Variants in ZGRF1 observed in about 807,000 individuals in gnomAD.
ZGRF1 encodes 5'-3' DNA helicase ZGRF1.
A neutral mutation model predicts 203.5 loss-of-function variants in ZGRF1; 196 were observed. That is an observed-to-expected ratio of 0.96 (90% confidence interval 0.86 to 1.08). The LOEUF is 1.08. Among genes scored for constraint, ZGRF1 ranks in the 50% least tolerant of loss-of-function variants. The pLI, the probability that ZGRF1 is intolerant of heterozygous loss-of-function variation, is 0.00. For synonymous variants in ZGRF1, 809 were observed against 841.3 expected, an observed-to-expected ratio of 0.96 and a Z score of 0.66; for missense variants, 2,326 against 2,416.3, an observed-to-expected ratio of 0.96 and a Z score of 0.78.
chr4:112,595,068 C>A (rs1748774927), intron 10 of ZGRF1, among the ~76,000 whole-genome samples: 1 of 151,812 alleles, frequency 6.6e-6, no homozygotes, highest in Admixed American at 6.6e-5. Context: ...ATGGTGAAAC[C>A]CCATCTCTAC....
At chr4:112,604,297 A>C (rs931675877) in intron 9 of ZGRF1, among the ~76,000 whole-genome samples, 5 of 152,126 alleles carry the variant, frequency 3.3e-5, no homozygotes, top group Non-Finnish European at 7.3e-5. Flanking sequence ...TACAAGCATA[A>C]AGATGAGTAT....
intron 16 of ZGRF1, among the ~76,000 whole-genome samples, chr4:112,580,504 G>A (rs939377734): frequency 2.6e-5 from 4 of 151,202 alleles, no homozygotes; most frequent in Admixed American, 2.0e-4. Context: ...TACAGAATGG[G>A]AGAAAATTTT....
chr4:112,632,755 C>T (rs1023342852), intron 2 of ZGRF1, among the ~76,000 whole-genome samples: 1 of 152,138 alleles, frequency 6.6e-6, no homozygotes, highest in African/African-American at 2.4e-5. Flanking sequence ...AGTCCCGAGA[C>T]CAAATAGTGT....
rs536595961 is a variant in ZGRF1, at chr4:112,592,286, C to T, written c.2977-2412G>A. On this transcript the variant is annotated intron_variant, in intron 10 of 27. Coordinates refer to ENST00000505019, the MANE Select transcript of ZGRF1 (RefSeq NM_018392.5). The stretch of plus-strand genomic sequence containing the variant: ...CTAATTTTTGTGCTTTTAGTAGAGA[C>T]GGGGTTTCACCATGTTGGCCAGGCT... Among the ~76,000 whole-genome samples the T allele has an allele frequency of 6.6e-5, 10 of 151,856 alleles. No homozygotes were observed. The South Asian group carries it at 1.2e-3, about 19-fold the overall frequency.
rs1266532319 is a variant in ZGRF1, at chr4:112,617,632, C to A, written c.2410G>T (p.Ala804Ser). 2.5e-6 allele frequency: 4 copies of A among 1,613,272 alleles called. No homozygotes were observed. Among genetic ancestry groups the A allele is most frequent in the Non-Finnish European group, 3.4e-6 (4 of 1,179,802 alleles). Residue 804 changes from alanine (A) to serine (S), a missense_variant, in exon 6 of 28, where the codon GCC (alanine) becomes TCC (serine). Ala to Ser is a moderately conservative substitution (Grantham distance 99). Coordinates refer to ENST00000505019, the MANE Select transcript of ZGRF1 (RefSeq NM_018392.5). Reference sequence around the variant, plus strand: ...TTCCAGTATTGTTTGCCTTCTCTGGCAGTTTCAACCTCAACATGGTCAGGG... The same window carrying A: ...TTCCAGTATTGTTTGCCTTCTCTGGAAGTTTCAACCTCAACATGGTCAGGG... ...PPPDHVEVET[A>S]REGKQYWNPR...
intron 9 of ZGRF1, among the ~76,000 whole-genome samples, chr4:112,604,918 C>G (rs905298175): frequency 1.3e-5 from 2 of 152,026 alleles, no homozygotes; most frequent in African/African-American, 4.8e-5. Flanking sequence ...AACAAAATGA[C>G]AGTAATATAT....
At position 112,562,137 on chromosome 4, in the gene ZGRF1, G is replaced by A. The variant is rs184897731; in HGVS notation, c.4697+234C>T. On this transcript the variant is annotated intron_variant, in intron 18 of 27. Transcript: ENST00000505019. ...TTGGTCAGGCTGGTCTCGAACTCCC[G>A]ACCTCTGGTGATCTGCCCACCTCGG... The A allele has an allele frequency of 1.0e-4, 37 of 356,824 alleles. No homozygotes were observed. The Admixed American group carries it at 1.2e-3, about 12-fold the overall frequency. The allele number at this position is 356,824 out of a possible 1,614,324, so 22.1% of individuals were successfully genotyped here. A position where few individuals can be genotyped will look rare whatever the true frequency, so the allele number is the denominator to read the frequency against.
At position 112,587,641 on chromosome 4, in the gene ZGRF1, T is replaced by C. The variant is rs1198131920; in HGVS notation, c.3416A>G (p.Asn1139Ser). Residue 1139 changes from asparagine to serine, a missense_variant, in exon 12 of 28, where the codon AAT becomes AGT. Coordinates refer to ENST00000505019, the MANE Select transcript of ZGRF1 (RefSeq NM_018392.5). ...EVNPGDVSLNNISTQSKWLKY... is the reference protein window; with the variant it reads ...EVNPGDVSLNSISTQSKWLKY... ...CAGCCACTTGCTCTGAGTAGATATA[T>C]TATTAAGTGAAACATCCCCTGGATT... 3.1e-6 allele frequency: 5 copies of C among 1,613,708 alleles called. No homozygotes were observed. The South Asian group carries it at 4.4e-5, about 14-fold the overall frequency.
intron 18 of ZGRF1, chr4:112,561,202 T>C: frequency 1.9e-6 from 1 of 530,862 alleles, no homozygotes. Context: ...GTTGAATACT[T>C]ACTACATGCT....
At chr4:112,599,545 C>A (rs897370672) in intron 10 of ZGRF1, among the ~76,000 whole-genome samples, 27 of 150,188 alleles carry the variant, frequency 1.8e-4, no homozygotes, top group Non-Finnish European at 2.8e-4. Context: ...TATAGCAAGA[C>A]CCTGTGTCTA....
intron 10 of ZGRF1, among the ~76,000 whole-genome samples, chr4:112,601,176 T>C (rs986292432): frequency 6.6e-6 from 1 of 151,140 alleles, no homozygotes; most frequent in Non-Finnish European, 1.5e-5. Flanking sequence ...TTTGGGGGGC[T>C]GAGGCAGGAA....
chr4:112,604,931 TTTG>T (rs1750545730), intron 9 of ZGRF1, among the ~76,000 whole-genome samples: 1 of 152,212 alleles, frequency 6.6e-6, no homozygotes, highest in Non-Finnish European at 1.5e-5. Context: ...TAATATATAA[TTTG>T]AATATACTCT....
Position 112,584,086 on chromosome 4 carries a change from G to A in ZGRF1, c.4190C>T (p.Thr1397Ile). 1 of 1,613,248 alleles carries A rather than the reference G, an allele frequency of 6.2e-7. No individual in the cohort carries two copies. The highest frequency in any genetic ancestry group is 8.5e-7 in the Non-Finnish European group (1 of 1,179,392). The change falls in exon 15 of 28, where the codon ACA becomes ATA. Residue 1397 changes from threonine (T) to isoleucine (I), a missense_variant. Thr to Ile is a moderately conservative substitution (Grantham distance 89). Transcript: ENST00000505019. ...CATGCCAGGTCGAGCTCCTTCCTGT[G>A]TTGAATATCCTGGAGTCACGTCCTC... ...WLEDVTPGYS[T>I]QEGARPGMVL...
intron 3 of ZGRF1, chr4:112,624,107 T>G: frequency 3.0e-6 from 1 of 335,212 alleles, no homozygotes; most frequent in Non-Finnish European, 5.5e-6. Context: ...TCGGGTCCCC[T>G]TCCACGCTGT....
intron 16 of ZGRF1, among the ~76,000 whole-genome samples, chr4:112,573,195 CA>C (rs1744513821): frequency 1.3e-5 from 2 of 151,700 alleles, no homozygotes; most frequent in African/African-American, 4.8e-5. Flanking sequence ...CACACACACA[CA>C]CACACCCATG....
chr4:112,608,112 A>G (rs1388452287), intron 8 of ZGRF1, among the ~76,000 whole-genome samples: 1 of 152,194 alleles, frequency 6.6e-6, no homozygotes, highest in Non-Finnish European at 1.5e-5. Flanking sequence ...ATACTATGTC[A>G]TATTATGTGG....
In ZGRF1 at chr4:112,574,525, AG is replaced by A. The variant is rs1415172669; in HGVS notation, c.4438+7137del. Among the ~76,000 whole-genome samples the A allele has an allele frequency of 2.0e-5, 3 of 152,336 alleles. No individual in the cohort carries two copies. The East Asian group carries it at 5.8e-4, about 29-fold the overall frequency. On this transcript the variant is annotated intron_variant, in intron 16 of 27. Transcript: ENST00000505019. Reference sequence around the variant, plus strand: ...ACCTTGGGTTTGGAGAGACAAGATGAGGTAATGGGGTTAACTTAAATGTAGG... The same window carrying A: ...ACCTTGGGTTTGGAGAGACAAGATGAGTAATGGGGTTAACTTAAATGTAGG...
At chr4:112,635,619 A>G (rs1301612667) in intron 1 of ZGRF1, among the ~76,000 whole-genome samples, 3 of 148,710 alleles carry the variant, frequency 2.0e-5, no homozygotes, top group Non-Finnish European at 4.5e-5. Flanking sequence ...TAATTATATA[A>G]TATATAACTA....
chr4:112,596,509 T>G (rs1433682913), intron 10 of ZGRF1, among the ~76,000 whole-genome samples: 1 of 152,046 alleles, frequency 6.6e-6, no homozygotes, highest in Non-Finnish European at 1.5e-5. Context: ...GATTTGTATT[T>G]ACAGGATGAA....
Sources: gnomAD v4.1 joint callset for allele counts (sites outside exome capture counted in the v4.1 genomes callset) on GRCh38, gnomAD v4.1.1 for gene constraint, MANE v1.5 for transcripts, NCBI Gene and HGNC (gene_info 2026-07-23, HGNC 2026-07-21) for gene names.